Variants in DHRS3 observed in about 807,000 individuals in gnomAD.
The protein encoded by DHRS3 is short-chain dehydrogenase/reductase 3.
A neutral mutation model predicts 27.2 loss-of-function variants in DHRS3; 14 were observed. The observed-to-expected ratio is 0.52, with a 90% CI of 0.34 to 0.81. The LOEUF is 0.81. Ranked by LOEUF, DHRS3 falls within the 30% of genes least tolerant of loss-of-function variation. The pLI is 0.01. For missense variants in DHRS3, 322 were observed against 406.2 expected (o/e 0.79, Z 1.78); for synonymous variants, 165 against 175.9 (o/e 0.94, Z 0.49).
At chr1:12,577,597 G>A (rs907318260) in intron 4 of DHRS3, among the ~76,000 whole-genome samples, 1 of 152,178 alleles carries the variant, frequency 6.6e-6, no homozygotes, top group African/African-American at 2.4e-5. Context: ...GGCTGAGGTG[G>A]GTGGATCACC....
rs376899024 is a variant in DHRS3, at chr1:12,579,433, C to T, written c.340-21G>A. 318 of 1,612,472 alleles carry T rather than the reference C, an allele frequency of 2.0e-4. 3 individuals are homozygous for T. In the African/African-American group the frequency reaches 2.3e-3, roughly 12 times the overall value. ...CCCACCTGCAGGCGAGAGGGAGCCA[C>T]GGGGCCATGAGGGCAGCCAGCCCAG... On this transcript the variant is annotated intron_variant, in intron 2 of 5. Coordinates refer to ENST00000616661, the MANE Select transcript of DHRS3 (RefSeq NM_004753.7).
intron 1 of DHRS3, among the ~76,000 whole-genome samples, chr1:12,610,724 A>T (rs866241624): frequency 6.6e-6 from 1 of 152,174 alleles, no homozygotes; most frequent in African/African-American, 2.4e-5. Flanking sequence ...CACTTTTCTC[A>T]TTTCCAATGG....
intron 1 of DHRS3, among the ~76,000 whole-genome samples, chr1:12,606,136 C>CAAAAAA (rs35154933): frequency 1.3e-4 from 14 of 106,804 alleles, no homozygotes; most frequent in South Asian, 3.2e-4. Context: ...GACTCTGTCT[C>CAAAAAA]AAAAAAAAAA....
At chr1:12,610,504 G>A (rs942950934) in intron 1 of DHRS3, among the ~76,000 whole-genome samples, 3 of 152,124 alleles carry the variant, frequency 2.0e-5, no homozygotes, top group African/African-American at 7.2e-5. Context: ...ACAGTGCCTG[G>A]CATATAGTAG....
intron 1 of DHRS3, among the ~76,000 whole-genome samples, chr1:12,598,068 C>T (rs925769252): frequency 1.3e-5 from 2 of 152,236 alleles, no homozygotes; most frequent in African/African-American, 2.4e-5. Context: ...TATCACACAT[C>T]CCCAGCAGAC....
At position 12,617,415 on chromosome 1, in the gene DHRS3, C is replaced by T; in HGVS notation, c.-67G>A. The T allele has an allele frequency of 3.3e-6, 5 of 1,501,708 alleles. No individual in the cohort carries two copies. Among genetic ancestry groups the T allele is most frequent in the Non-Finnish European group, 4.5e-6 (5 of 1,112,666 alleles). The allele number at this position is 1,501,708 out of a possible 1,614,324, so 93.0% of individuals were successfully genotyped here. On this transcript the variant is annotated 5_prime_UTR_variant, in exon 1 of 6. Coordinates refer to ENST00000616661, the MANE Select transcript of DHRS3 (RefSeq NM_004753.7). Reference sequence around the variant, plus strand: ...GCCGAGCAATACAGGAATTAAAAAACACCCCGAACAATAAATAGTAAACCG... The same window carrying T: ...GCCGAGCAATACAGGAATTAAAAAATACCCCGAACAATAAATAGTAAACCG...
At chr1:12,598,247 G>T (rs1646811801) in intron 1 of DHRS3, among the ~76,000 whole-genome samples, 1 of 152,152 alleles carries the variant, frequency 6.6e-6, no homozygotes, top group African/African-American at 2.4e-5. Context: ...AGTTAGCCAG[G>T]CATGGTGGTG....
chr1:12,575,331 GA>G (rs377226207), intron 4 of DHRS3, among the ~76,000 whole-genome samples: 11,581 of 117,006 alleles, frequency 0.099, 691 homozygotes, highest in East Asian at 0.23. Context: ...TGTATCAAAA[GA>G]AAAAAAAAAA....
chr1:12,580,794 A>G (rs1382072678), intron 1 of DHRS3, 128 bp from the exon 2 acceptor site: 4 of 1,112,214 alleles, frequency 3.6e-6, no homozygotes, highest in Non-Finnish European at 3.8e-6. Flanking sequence ...TTCCACCCAA[A>G]GATAAAGAAT....
At position 12,593,361 on chromosome 1, in the gene DHRS3, A is replaced by C. The variant is rs906575457; in HGVS notation, c.196-12695T>G. Among the ~76,000 whole-genome samples, 6 of 152,072 alleles carry C rather than the reference A, an allele frequency of 3.9e-5. No individual in the cohort carries two copies. Among genetic ancestry groups the C allele is most frequent in the Non-Finnish European group, 5.9e-5 (4 of 68,022 alleles). ...AGGGCACCCTCTTTTCTTTTTAAAA[A>C]ATTATTATGATTATTATTATTTGTA... is the stretch of plus-strand genomic sequence containing the variant. On this transcript the variant is annotated intron_variant, in intron 1 of 5. Coordinates refer to ENST00000616661, the MANE Select transcript of DHRS3 (RefSeq NM_004753.7). The surrounding 1 kb of genome is among the most constrained non-coding windows in gnomAD (Gnocchi z 4.6).
chr1:12,610,297 G>C (rs934663199), intron 1 of DHRS3, among the ~76,000 whole-genome samples: 13 of 151,426 alleles, frequency 8.6e-5, no homozygotes, highest in African/African-American at 2.7e-4. Context: ...CACCATGTTG[G>C]GTCAAGCTGG....
At chr1:12,585,797 A>C (rs1646692550) in intron 1 of DHRS3, among the ~76,000 whole-genome samples, 1 of 152,176 alleles carries the variant, frequency 6.6e-6, no homozygotes, top group Non-Finnish European at 1.5e-5. Context: ...CATCATGAGC[A>C]TGAGGACTGG....
intron 1 of DHRS3, among the ~76,000 whole-genome samples, chr1:12,606,834 T>G (rs903816508): frequency 6.6e-6 from 1 of 152,122 alleles, no homozygotes; most frequent in Non-Finnish European, 1.5e-5. Flanking sequence ...ATCAAGATCT[T>G]GAAGCATTTC....
rs549951766 is a variant in DHRS3, at chr1:12,616,192, C to G, written c.195+962G>C. On this transcript the variant is annotated intron_variant, in intron 1 of 5. Coordinates refer to ENST00000616661, the MANE Select transcript of DHRS3 (RefSeq NM_004753.7). ...GCTGGCTTTGCGGCCCTTTCACCCC[C>G]CTAGTTCACAACAGTTTAAGTTTCA... 2.6e-5 allele frequency among the ~76,000 whole-genome samples: 4 copies of G among 152,358 alleles called. No homozygotes were observed. The East Asian group carries it at 5.8e-4, about 22-fold the overall frequency.
intron 5 of DHRS3, among the ~76,000 whole-genome samples, chr1:12,569,291 C>CAGAG (rs1646514672): frequency 7.1e-6 from 1 of 140,606 alleles, no homozygotes; most frequent in Admixed American, 7.6e-5. Flanking sequence ...TTTAAAAAGG[C>CAGAG]AGAGAGTGAG....
intron 1 of DHRS3, 145 bp from the exon 2 acceptor site, chr1:12,580,811 T>C (rs1646637867): frequency 2.1e-6 from 2 of 956,704 alleles, no homozygotes; most frequent in Non-Finnish European, 3.1e-6. Flanking sequence ...GAATACAACA[T>C]AGATTAATAA....
chr1:12,580,562 C>G lies in DHRS3; in HGVS notation c.300G>C (p.Arg100=). ...CHYFICDVGN[R]EEVYQTAKAV... is the part of the protein sequence containing the mutation. ...CCTTGGCCGTCTGGTACACCTCCTC[C>G]CGGTTGCCCACATCACAGATGAAGT... Residue 100 remains arginine, a synonymous_variant, in exon 2 of 6, where the codon CGG becomes CGC. Transcript: ENST00000616661. The G allele has an allele frequency of 6.2e-7, 1 of 1,614,192 alleles. No individual in the cohort carries two copies. The highest frequency in any genetic ancestry group is 8.5e-7 in the Non-Finnish European group (1 of 1,180,038).
intron 1 of DHRS3, among the ~76,000 whole-genome samples, chr1:12,595,654 G>A (rs1347398731): frequency 6.6e-6 from 1 of 151,416 alleles, no homozygotes; most frequent in Non-Finnish European, 1.5e-5. Context: ...GGGAAAGCGG[G>A]GAAACAGGTT....
At chr1:12,610,782 G>T (rs1360641718) in intron 1 of DHRS3, among the ~76,000 whole-genome samples, 1 of 152,190 alleles carries the variant, frequency 6.6e-6, no homozygotes, top group African/African-American at 2.4e-5. Context: ...TAATATGTTT[G>T]AAATGTTTCA....
Sources: gnomAD v4.1 joint callset for allele counts (sites outside exome capture counted in the v4.1 genomes callset) on GRCh38, gnomAD v4.1.1 for gene constraint, Gnocchi (gnomAD v3.1) non-coding constraint, MANE v1.5 for transcripts, NCBI Gene and HGNC (gene_info 2026-07-23, HGNC 2026-07-21) for gene names.